SARM1: variants seen among roughly 807,000 people sequenced by gnomAD.
SARM1 encodes sterile alpha and TIR motif containing 1.
A neutral mutation model predicts 65.1 loss-of-function variants in SARM1; 60 were observed. The ratio of observed to expected loss-of-function variants is 0.92; its 90% CI spans 0.75 to 1.14. SARM1 has a LOEUF of 1.14. Ranked by LOEUF, SARM1 falls within the 50% of genes most tolerant of loss-of-function variation. The pLI is 0.00. For missense variants in SARM1, 913 were observed against 1,015.7 expected (o/e 0.90, Z 1.37); for synonymous variants, 417 against 465.4 (o/e 0.90, Z 1.34).
chr17:28,377,628 G>C (rs1555584766), intron 1 of SARM1, among the ~76,000 whole-genome samples: 3 of 152,250 alleles, frequency 2.0e-5, no homozygotes, highest in African/African-American at 7.2e-5. Context: ...GGTCACTGTG[G>C]TGCCCTTTGG....
Position 28,384,862 on chromosome 17 carries a change from G to C in SARM1, c.1326G>C (p.Leu442=), listed in dbSNP as rs782065557. The C allele has an allele frequency of 3.9e-5, 60 of 1,555,820 alleles. No homozygotes were observed. The highest frequency in any genetic ancestry group is 5.0e-5 in the Non-Finnish European group (58 of 1,149,504). ...SFREQQVDGD[L]LLRLTEEELQ... Reference sequence around the variant, plus strand: ...AGGAGCAGCAGGTGGATGGCGACCTGCTTCTGCGGCTCACGGAGGAGGAAC... The same window carrying C: ...AGGAGCAGCAGGTGGATGGCGACCTCCTTCTGCGGCTCACGGAGGAGGAAC... The change falls in exon 4 of 9, where the codon CTG becomes CTC. Residue 442 remains leucine (L), a synonymous_variant. Transcript: ENST00000585482. This position sits in a 1 kb window ranked among gnomAD's most constrained non-coding sequence, Gnocchi z 4.4.
chr17:28,373,259 T>C (rs1391353155), intron 1 of SARM1: 1 of 152,226 alleles, frequency 6.6e-6, no homozygotes, highest in African/African-American at 2.4e-5. Context: ...TTGCCACTCT[T>C]GCATGTCTCT....
chr17:28,384,874 C>T lies in SARM1; in HGVS notation c.1338C>T (p.Leu446=). The change falls in exon 4 of 9, where the codon CTC becomes CTT. Residue 446 remains leucine, a synonymous_variant. Coordinates refer to ENST00000585482, the MANE Select transcript of SARM1 (RefSeq NM_015077.4). The surrounding 1 kb of genome is among the most constrained non-coding windows in gnomAD (Gnocchi z 4.4). ...QQVDGDLLLR[L]TEEELQTDLG... ...TGGATGGCGACCTGCTTCTGCGGCT[C>T]ACGGAGGAGGAACTCCAGACCGACC... 1 of 1,558,256 alleles carries T rather than the reference C, an allele frequency of 6.4e-7. No individual in the cohort carries two copies. The highest frequency in any genetic ancestry group is 8.7e-7 in the Non-Finnish European group (1 of 1,150,990).
In SARM1 at chr17:28,371,975, G is replaced by T. The variant is rs2067957159; in HGVS notation, c.-58G>T. ...TCGGGTCCCTCTTTTCCCAAAACCC[G>T]GGTCTCTCCGCGTGGCCCCGCCTCC... On this transcript the variant is annotated 5_prime_UTR_variant, in exon 1 of 9. Transcript: ENST00000585482. 3.0e-6 allele frequency: 4 copies of T among 1,319,980 alleles called. No individual in the cohort carries two copies. The highest frequency in any genetic ancestry group is 3.9e-6 in the Non-Finnish European group (4 of 1,013,056). The allele number at this position is 1,319,980 out of a possible 1,614,324, so 81.8% of individuals were successfully genotyped here.
At chr17:28,389,506 G>A (rs970216603) in intron 7 of SARM1, among the ~76,000 whole-genome samples, 1 of 152,118 alleles carries the variant, frequency 6.6e-6, no homozygotes, top group Non-Finnish European at 1.5e-5. Context: ...ATCATTAATC[G>A]GTCAGTAGGA....
chr17:28,399,566 C>T lies in SARM1; in HGVS notation c.*3280C>T, dbSNP rs782079474. 9 of 1,373,882 alleles carry T rather than the reference C, an allele frequency of 6.6e-6. No homozygotes were observed. The highest frequency in any genetic ancestry group is 9.3e-6 in the Non-Finnish European group (9 of 969,612). 85.1% of individuals were successfully genotyped at this position (1,373,882 alleles called of 1,614,324 possible). ...CTGCCCTTAGACAAGAGTTGCTTGT[C>T]CTGCTGTGGGCTGGGCTTCCAGCTG... On this transcript the variant is annotated 3_prime_UTR_variant, in exon 9 of 9. Coordinates refer to ENST00000585482, the MANE Select transcript of SARM1 (RefSeq NM_015077.4).
rs887395518 is a variant in SARM1 at position 28,402,342 on chromosome 17, A to T, written c.*6056A>T. 6.2e-7 allele frequency: 1 copy of T among 1,605,342 alleles called. No individual in the cohort carries two copies. The highest frequency in any genetic ancestry group is 8.5e-7 in the Non-Finnish European group (1 of 1,174,040). On this transcript the variant is annotated 3_prime_UTR_variant, in exon 9 of 9. Coordinates refer to ENST00000585482, the MANE Select transcript of SARM1 (RefSeq NM_015077.4). ...ATATCCTGTGGAGAAACAAACACTC[A>T]TCAGGAAAATGGGGCTGGGGAGAGG...
intron 1 of SARM1, among the ~76,000 whole-genome samples, chr17:28,380,057 C>CTT (rs61029083): frequency 0.024 from 2,523 of 106,066 alleles, 88 homozygotes; most frequent in African/African-American, 0.078. Context: ...TTTTTCTTTT[C>CTT]TTTTTTTTTT....
intron 5 of SARM1, 54 bp from the exon 6 acceptor site, chr17:28,388,120 C>G (rs1555586297): frequency 1.6e-6 from 2 of 1,264,000 alleles, no homozygotes; most frequent in South Asian, 1.3e-5. Context: ...ATATACCTGA[C>G]AGTGAGTGAT....
intron 1 of SARM1, chr17:28,374,297 A>C (rs1350416236): frequency 2.0e-5 from 3 of 151,140 alleles, no homozygotes; most frequent in Non-Finnish European, 4.4e-5. Context: ...AAAAAAAAAA[A>C]AAAAAAGGCA....
In SARM1 at chr17:28,384,614, C is replaced by A. The variant is rs2068040662; in HGVS notation, c.1302+45C>A. 1 of 1,514,956 alleles carries A rather than the reference C, an allele frequency of 6.6e-7. No individual in the cohort carries two copies. The highest frequency in any genetic ancestry group is 2.0e-5 in the Admixed American group (1 of 49,126). The allele number at this position is 1,514,956 out of a possible 1,614,324, so 93.8% of individuals were successfully genotyped here. A position where few individuals can be genotyped will look rare whatever the true frequency, so the allele number is the denominator to read the frequency against. On this transcript the variant is annotated intron_variant, in intron 3 of 8. Transcript: ENST00000585482. This position sits in a 1 kb window ranked among gnomAD's most constrained non-coding sequence, Gnocchi z 4.4. ...GCCTCCCCCGAGTCAGAGCGGGCGC[C>A]CTGTGCACAGGGACTGCGTTCCCTC...
chr17:28,382,301 G>C (rs2068028886), intron 2 of SARM1, among the ~76,000 whole-genome samples: 1 of 152,164 alleles, frequency 6.6e-6, no homozygotes, highest in Admixed American at 6.5e-5. Flanking sequence ...AATGAATAAA[G>C]TGAACTGGGT....
At position 28,381,406 on chromosome 17, in the gene SARM1, A is replaced by G. The variant is rs1555585216; in HGVS notation, c.674A>G (p.His225Arg). 2 of 1,550,086 alleles carry G rather than the reference A, an allele frequency of 1.3e-6. No homozygotes were observed. The highest frequency in any genetic ancestry group is 8.7e-7 in the Non-Finnish European group (1 of 1,147,706). The change falls in exon 2 of 9, where the codon CAC (histidine) becomes CGC (arginine). Residue 225 changes from histidine to arginine, a missense_variant. His to Arg is a conservative substitution (Grantham distance 29). This residue lies in a region of SARM1 where 862 missense variants were observed against 952.1 expected (regional missense o/e 0.91). Coordinates refer to ENST00000585482, the MANE Select transcript of SARM1 (RefSeq NM_015077.4). The stretch of plus-strand genomic sequence containing the variant: ...CGCACGGACCCCGCGCTGCTGCGCC[A>G]CTGCGCGCTGGCGCTGGGCAACTGC... ...CRRTDPALLR[H>R]CALALGNCAL...
chr17:28,380,052 C>A (rs375837037), intron 1 of SARM1, among the ~76,000 whole-genome samples: 165 of 65,194 alleles, frequency 2.5e-3, no homozygotes, highest in African/African-American at 9.0e-3. Flanking sequence ...TGATTTTTTT[C>A]TTTTCTTTTT....
intron 7 of SARM1, among the ~76,000 whole-genome samples, chr17:28,388,952 T>C (rs1438177935): frequency 1.3e-5 from 2 of 152,054 alleles, no homozygotes; most frequent in African/African-American, 4.8e-5. Context: ...TTTGTATTTT[T>C]AGTAGAGACA....
chr17:28,377,980 G>A (rs2068002531), intron 1 of SARM1, among the ~76,000 whole-genome samples: 1 of 152,180 alleles, frequency 6.6e-6, no homozygotes, highest in Non-Finnish European at 1.5e-5. Flanking sequence ...TTACAGGCAT[G>A]AGCCACTGCG....
In SARM1 at chr17:28,396,543, G is replaced by A. The variant is rs1028577849; in HGVS notation, c.*257G>A. The A allele has an allele frequency of 3.8e-5, 20 of 530,052 alleles. No individual in the cohort carries two copies. The highest frequency in any genetic ancestry group is 1.3e-4 in the Admixed American group (4 of 31,496). 32.8% of individuals were successfully genotyped at this position (530,052 alleles called of 1,614,324 possible). A position where few individuals can be genotyped will look rare whatever the true frequency, so the allele number is the denominator to read the frequency against. ...CCCTGCCATTGGGTTGTCTGTCTCC[G>A]TCATGGGGAGGGTCCCTGCTCAGTT... is the stretch of plus-strand genomic sequence containing the variant. On this transcript the variant is annotated 3_prime_UTR_variant, in exon 9 of 9. Transcript: ENST00000585482.
chr17:28,395,612 C>T (rs782605067), intron 7 of SARM1: 15 of 350,120 alleles, frequency 4.3e-5, no homozygotes, highest in Non-Finnish European at 6.9e-5. Context: ...TAGGCTACCC[C>T]CATAGCACCC....
chr17:28,387,943 G>A (rs1041819988), intron 5 of SARM1: 6 of 568,150 alleles, frequency 1.1e-5, no homozygotes, highest in African/African-American at 9.4e-5. Context: ...GGCTGGAAGT[G>A]CATGCATATC....
Sources: allele counts gnomAD v4.1 joint callset (sites outside exome capture counted in the v4.1 genomes callset), GRCh38; gene constraint gnomAD v4.1.1; regional missense constraint gnomAD v4.1.1; non-coding constraint Gnocchi (gnomAD v3.1); transcripts MANE v1.5; gene names NCBI Gene and HGNC (gene_info 2026-07-23, HGNC 2026-07-21).